PCDH9: variants seen among roughly 807,000 people sequenced by gnomAD.
PCDH9 encodes protocadherin 9, also known as protocadherin-9.
PCDH9 carries 24 observed loss-of-function variants against 70.6 expected under a neutral mutation model. That is an observed-to-expected ratio of 0.34 (90% CI 0.25 to 0.48). The LOEUF is 0.48. Ranked by LOEUF, PCDH9 falls within the 20% of genes least tolerant of loss-of-function variation. PCDH9 has a pLI of 0.99. For missense variants in PCDH9, 1,281 were observed against 1,503.6 expected (o/e 0.85, Z 2.45); for synonymous variants, 562 against 558.5 (o/e 1.01, Z -0.09).
At chr13:66,554,072 G>T (rs1961614928) in intron 4 of PCDH9, among the ~76,000 whole-genome samples, 1 of 152,034 alleles carries the variant, frequency 6.6e-6, no homozygotes, top group African/African-American at 2.4e-5. Flanking sequence ...ACAAAGAAAT[G>T]GTTAGTCCAA....
At chr13:67,007,055 C>A (rs2084367697) in intron 2 of PCDH9, among the ~76,000 whole-genome samples, 2 of 152,074 alleles carry the variant, frequency 1.3e-5, no homozygotes, top group Admixed American at 1.3e-4. Flanking sequence ...TTACTACCAG[C>A]GTGTGAACAT....
At chr13:66,702,456 C>T (rs985935013) in intron 3 of PCDH9, among the ~76,000 whole-genome samples, 1 of 152,020 alleles carries the variant, frequency 6.6e-6, no homozygotes, top group Admixed American at 6.6e-5. Context: ...TACAAATGAT[C>T]GGTTATGTGG....
chr13:66,995,613 A>G (rs574403358), intron 2 of PCDH9, among the ~76,000 whole-genome samples: 1 of 152,298 alleles, frequency 6.6e-6, no homozygotes, highest in Non-Finnish European at 1.5e-5. Flanking sequence ...TAATTTCACA[A>G]AGTTAAGATG....
chr13:67,024,152 C>T lies in PCDH9; in HGVS notation c.3037-120547G>A, dbSNP rs1316220225. ...ACCAGAAGCTGATCTGGGTATTTTA[C>T]CTACAATTACTGGATAATTTAAAGA... is the stretch of plus-strand genomic sequence containing the variant. On this transcript the variant is annotated intron_variant, in intron 2 of 4. Coordinates refer to ENST00000377865, the MANE Select transcript of PCDH9 (RefSeq NM_203487.3). Among the ~76,000 whole-genome samples the T allele has an allele frequency of 2.0e-5, 3 of 152,092 alleles. No homozygotes were observed. The East Asian group carries it at 5.8e-4, about 29-fold the overall frequency.
At chr13:66,421,479 C>T (rs929428763) in intron 4 of PCDH9, among the ~76,000 whole-genome samples, 1 of 151,828 alleles carries the variant, frequency 6.6e-6, no homozygotes, top group African/African-American at 2.4e-5. Context: ...AGAAGCCCTA[C>T]AAGCCAGAAG....
intron 3 of PCDH9, among the ~76,000 whole-genome samples, chr13:66,835,952 A>G (rs7358806): frequency 0.34 from 51,330 of 152,092 alleles, 9,632 homozygotes; most frequent in Non-Finnish European, 0.43. Context: ...AATCAAAAGC[A>G]TATCATTTTA....
At chr13:66,500,076 G>C (rs1019620610) in intron 4 of PCDH9, among the ~76,000 whole-genome samples, 1 of 152,078 alleles carries the variant, frequency 6.6e-6, no homozygotes, top group Non-Finnish European at 1.5e-5. Flanking sequence ...TTCCTTTATA[G>C]CGATGCGAAT....
intron 2 of PCDH9, among the ~76,000 whole-genome samples, chr13:67,089,710 C>T (rs1000490787): frequency 6.6e-6 from 1 of 151,962 alleles, no homozygotes; most frequent in African/African-American, 2.4e-5. Context: ...TAAAAGACCT[C>T]TTTGGTCAAT....
chr13:67,065,585 C>T (rs1459025338), intron 2 of PCDH9, among the ~76,000 whole-genome samples: 8 of 152,082 alleles, frequency 5.3e-5, no homozygotes, highest in Admixed American at 5.2e-4. Flanking sequence ...TTAGAGGATA[C>T]TTGTACAACT....
At chr13:66,698,895 C>CTTTTTTTTTT (rs67333897) in intron 3 of PCDH9, among the ~76,000 whole-genome samples, 13 of 61,138 alleles carry the variant, frequency 2.1e-4, no homozygotes, top group Non-Finnish European at 2.9e-4. Context: ...CTCAATTCCT[C>CTTTTTTTTTT]TTTTTTTTTT....
chr13:67,196,140 G>A (rs961782996), intron 2 of PCDH9, among the ~76,000 whole-genome samples: 1 of 151,998 alleles, frequency 6.6e-6, no homozygotes, highest in Admixed American at 6.5e-5. Context: ...TCTTCATCAA[G>A]GAATTGAGGA....
intron 4 of PCDH9, among the ~76,000 whole-genome samples, chr13:66,332,820 A>ATG (rs1156656923): frequency 2.0e-5 from 3 of 149,154 alleles, no homozygotes; most frequent in Admixed American, 2.0e-4. Flanking sequence ...ATATATATAT[A>ATG]TGTATATATA....
At chr13:66,919,471 G>C (rs1448764893) in intron 2 of PCDH9, among the ~76,000 whole-genome samples, 1 of 151,156 alleles carries the variant, frequency 6.6e-6, no homozygotes, top group Non-Finnish European at 1.5e-5. Flanking sequence ...GCTATGCATA[G>C]TGTCTGACAG....
intron 2 of PCDH9, among the ~76,000 whole-genome samples, chr13:67,061,709 G>A (rs2085542914): frequency 6.6e-6 from 1 of 151,920 alleles, no homozygotes; most frequent in East Asian, 1.9e-4. Flanking sequence ...AAAAAGAAAG[G>A]TGCGTTTTAA....
At chr13:67,105,132 T>C (rs2086512572) in intron 2 of PCDH9, among the ~76,000 whole-genome samples, 1 of 152,246 alleles carries the variant, frequency 6.6e-6, no homozygotes, top group East Asian at 1.9e-4. Context: ...CAGTATTCTA[T>C]GTCTCCTTTT....
At chr13:66,895,438 C>T (rs2082161755) in intron 3 of PCDH9, among the ~76,000 whole-genome samples, 1 of 152,090 alleles carries the variant, frequency 6.6e-6, no homozygotes, top group Non-Finnish European at 1.5e-5. Context: ...GGATGACTGT[C>T]ACTCCTCTCA....
At chr13:66,697,223 T>C (rs1230001692) in intron 3 of PCDH9, among the ~76,000 whole-genome samples, 2 of 152,194 alleles carry the variant, frequency 1.3e-5, no homozygotes, top group Non-Finnish European at 2.9e-5. Context: ...TATTAGGACA[T>C]TAATATTATC....
At chr13:66,744,316 GAAT>G (rs1380574714) in intron 3 of PCDH9, among the ~76,000 whole-genome samples, 1 of 152,068 alleles carries the variant, frequency 6.6e-6, no homozygotes, top group African/African-American at 2.4e-5. Flanking sequence ...TTATGAAAAA[GAAT>G]AAACCATCTC....
intron 3 of PCDH9, among the ~76,000 whole-genome samples, chr13:66,652,889 G>C (rs1263002965): frequency 6.6e-6 from 1 of 152,086 alleles, no homozygotes; most frequent in Non-Finnish European, 1.5e-5. Context: ...AACATACATT[G>C]AGGGAAAGGA....
Sources: gnomAD v4.1 joint callset for allele counts (sites outside exome capture counted in the v4.1 genomes callset) on GRCh38, gnomAD v4.1.1 for gene constraint, MANE v1.5 for transcripts, NCBI Gene and HGNC (gene_info 2026-07-23, HGNC 2026-07-21) for gene names.